Variants in SMIM27 observed in about 807,000 individuals in gnomAD.
The protein encoded by SMIM27 is TOPORS antisense RNA 1 (non-protein coding).
In SMIM27, 3 loss-of-function variants were observed where a neutral mutation model predicts 1.8. The observed-to-expected ratio is 1.65, with a 90% CI of 0.75 to 4.28. The LOEUF (loss-of-function observed/expected upper bound fraction) is 4.28. Among genes scored for constraint, SMIM27 ranks in the 30% most tolerant of loss-of-function variants. SMIM27 has a pLI of 0.02. For synonymous variants in SMIM27, 19 were observed against 13.9 expected (o/e 1.37, Z -0.82); for missense variants, 63 against 37.0 (o/e 1.70, Z -1.83).
chr9:32,561,830 A>G (rs890858687), intron 1 of SMIM27, among the ~76,000 whole-genome samples: 1 of 151,976 alleles, frequency 6.6e-6, no homozygotes, highest in Non-Finnish European at 1.5e-5. Context: ...TGCTATCTTC[A>G]CCCTAACCAG....
At chr9:32,565,798 CCT>C (rs1322723001) in intron 1 of SMIM27, among the ~76,000 whole-genome samples, 6 of 152,112 alleles carry the variant, frequency 3.9e-5, no homozygotes, top group African/African-American at 1.2e-4. Flanking sequence ...ATGGCGAAAC[CCT>C]GTCTCTACTA....
chr9:32,566,561 C>T, exon 2 of SMIM27: 1 of 780,104 alleles, frequency 1.3e-6, no homozygotes, highest in Non-Finnish European at 2.4e-6. Context: ...CGTCGTACTG[C>T]ACAGACTGGA....
At chr9:32,559,207 C>G (rs762975579) in intron 1 of SMIM27, among the ~76,000 whole-genome samples, 20 of 152,204 alleles carry the variant, frequency 1.3e-4, no homozygotes, top group Admixed American at 1.3e-3. Flanking sequence ...AAATGACACT[C>G]TTATTCCCCC....
downstream of SMIM27, among the ~76,000 whole-genome samples, chr9:32,556,978 G>A (rs144407311): frequency 3.6e-3 from 527 of 146,728 alleles, no homozygotes; most frequent in Middle Eastern, 7.5e-3. Flanking sequence ...CAGCCTCCCC[G>A]GTAGCTAGGA....
downstream of SMIM27, chr9:32,553,789 T>C: frequency 1.1e-6 from 1 of 885,152 alleles, no homozygotes; most frequent in Non-Finnish European, 1.8e-6. Context: ...TAAACTTTAT[T>C]AAAGTTACTT....
chr9:32,556,740 A>C (rs780117631), downstream of SMIM27, among the ~76,000 whole-genome samples: 63 of 152,180 alleles, frequency 4.1e-4, no homozygotes, highest in Non-Finnish European at 8.5e-4. Context: ...AAATAAATAT[A>C]AATTGCCCAG....
intron 1 of SMIM27, among the ~76,000 whole-genome samples, chr9:32,559,734 C>T (rs894233124): frequency 6.6e-6 from 1 of 152,090 alleles, no homozygotes; most frequent in Non-Finnish European, 1.5e-5. Flanking sequence ...CTAGTTTTTA[C>T]CCTGCTTAAT....
At chr9:32,561,761 C>T (rs903973926) in intron 1 of SMIM27, among the ~76,000 whole-genome samples, 3 of 152,126 alleles carry the variant, frequency 2.0e-5, no homozygotes, top group East Asian at 1.9e-4. Flanking sequence ...AATCAACCAC[C>T]AACTTCAGGT....
chr9:32,566,231 G>T, intron 1 of SMIM27: 1 of 897,140 alleles, frequency 1.1e-6, no homozygotes, highest in Non-Finnish European at 1.9e-6. Context: ...CTGGTTTTGT[G>T]GGTGGTTTTC....
chr9:32,566,128 G>T, intron 1 of SMIM27: 1 of 563,606 alleles, frequency 1.8e-6, no homozygotes, highest in South Asian at 2.6e-5. Context: ...GAACAAAGAC[G>T]AGAATATGGT....
intron 1 of SMIM27, among the ~76,000 whole-genome samples, chr9:32,564,013 C>G (rs1275454449): frequency 6.6e-6 from 1 of 152,168 alleles, no homozygotes; most frequent in Non-Finnish European, 1.5e-5. Context: ...AGCTCTGGGT[C>G]CTTTCAGTGC....
chr9:32,566,097 AT>A (rs903890424), intron 1 of SMIM27: 5 of 461,130 alleles, frequency 1.1e-5, no homozygotes, highest in Non-Finnish European at 1.9e-5. Flanking sequence ...ACCTGTTAAA[AT>A]TATGCCCACG....
chr9:32,553,776 G>A (rs1366418456), downstream of SMIM27: 13 of 792,448 alleles, frequency 1.6e-5, no homozygotes, highest in Non-Finnish European at 2.8e-5. Context: ...CAATTTCTGA[G>A]ATTAAACTTT....
chr9:32,561,594 G>A (rs1268631899), intron 1 of SMIM27, among the ~76,000 whole-genome samples: 1 of 152,090 alleles, frequency 6.6e-6, no homozygotes, highest in Non-Finnish European at 1.5e-5. Context: ...CTCCCAAAGT[G>A]CCAGGATTAC....
chr9:32,554,904 G>C (rs1377592829), downstream of SMIM27, among the ~76,000 whole-genome samples: 2 of 152,162 alleles, frequency 1.3e-5, no homozygotes, highest in East Asian at 1.9e-4. Context: ...TAATGAACTT[G>C]AGGTTCTAGA....
chr9:32,556,139 G>A (rs1821449227), downstream of SMIM27, among the ~76,000 whole-genome samples: 1 of 152,238 alleles, frequency 6.6e-6, no homozygotes, highest in African/African-American at 2.4e-5. Context: ...TAAGGAGAGA[G>A]ACTAAGTGTG....
intron 1 of SMIM27, among the ~76,000 whole-genome samples, chr9:32,560,493 T>C (rs1399592629): frequency 1.3e-5 from 2 of 152,214 alleles, no homozygotes; most frequent in Admixed American, 6.5e-5. Context: ...TCTGAAAACA[T>C]TGCTACATTC....
At chr9:32,551,836 A>G (rs1821273342), upstream of SMIM27, 1 of 450,026 alleles carries the variant, frequency 2.2e-6, no homozygotes, top group Non-Finnish European at 4.5e-6. Context: ...TTCTTCTTAG[A>G]GATATACATT....
downstream of SMIM27, among the ~76,000 whole-genome samples, chr9:32,556,502 G>A (rs778013301): frequency 6.6e-6 from 1 of 152,198 alleles, no homozygotes; most frequent in Non-Finnish European, 1.5e-5. Flanking sequence ...TTGAGATTTG[G>A]AAGTTTGTTA....
Sources: allele counts gnomAD v4.1 joint callset (sites outside exome capture counted in the v4.1 genomes callset), GRCh38; gene constraint gnomAD v4.1.1; transcripts MANE v1.5; gene names NCBI Gene and HGNC (gene_info 2026-07-23, HGNC 2026-07-21).